The following PSG11 variants were observed in gnomAD, a reference collection of about 807,000 sequenced individuals.
PSG11 encodes pregnancy-specific beta-1-glycoprotein 11.
PSG11 carries 42 observed loss-of-function variants against 36.0 expected under a neutral mutation model. The observed-to-expected ratio is 1.17, with a 90% CI of 0.91 to 1.51. PSG11 has a LOEUF of 1.51. PSG11 is among the 40% of genes most tolerant of loss of function. The probability of loss-of-function intolerance (pLI) is 0.00; values close to 1 mark genes in which losing one functional copy is unlikely to be tolerated. For synonymous variants in PSG11, 206 were observed against 153.5 expected (o/e 1.34, Z -2.53); for missense variants, 558 against 403.5 (o/e 1.38, Z -3.28).
rs751244499 is a variant in PSG11 at position 43,024,966 on chromosome 19, A to G, written c.155T>C (p.Leu52Pro). The part of the protein sequence containing the change: ...PPKVSEGKDV[L>P]LLVHNLPQNL... Reference sequence around the variant, plus strand: ...CTGGGGCAAATTGTGGACAAGTAGAAGAACATCCTTCCCCTCGGACACTTT... The same window carrying G: ...CTGGGGCAAATTGTGGACAAGTAGAGGAACATCCTTCCCCTCGGACACTTT... The change falls in exon 2 of 6, where the codon CTT (leucine) becomes CCT (proline). Residue 52 changes from leucine (L) to proline (P), a missense_variant. Leu to Pro is a moderately conservative substitution (Grantham distance 98, BLOSUM62 -3). Coordinates refer to ENST00000320078, the MANE Select transcript of PSG11 (RefSeq NM_002785.3). The G allele has an allele frequency of 6.2e-7, 1 of 1,611,762 alleles. No individual in the cohort carries two copies. Among genetic ancestry groups the G allele is most frequent in the South Asian group, 1.1e-5 (1 of 90,818 alleles).
intron 4 of PSG11, chr19:43,014,333 C>T: frequency 1.1e-6 from 1 of 907,168 alleles, no homozygotes; most frequent in Non-Finnish European, 1.3e-6. Context: ...ATGCAGAGCC[C>T]CAGGGGTGAA....
chr19:43,016,301 C>A (rs530983792), intron 3 of PSG11, among the ~76,000 whole-genome samples: 2 of 151,280 alleles, frequency 1.3e-5, no homozygotes, highest in Non-Finnish European at 2.9e-5. Flanking sequence ...TGGACAGATA[C>A]GTCAGTGGGA....
At chr19:43,016,355 G>C (rs141205434) in intron 3 of PSG11, among the ~76,000 whole-genome samples, 6,376 of 151,186 alleles carry the variant, frequency 0.042, 532 homozygotes, top group African/African-American at 0.13. Flanking sequence ...ATAATCAGTT[G>C]ACTGGCTGGC....
chr19:43,013,694 C>A (rs1379172073), intron 4 of PSG11, among the ~76,000 whole-genome samples: 1 of 151,326 alleles, frequency 6.6e-6, no homozygotes, highest in African/African-American at 2.4e-5. Flanking sequence ...ATGTTACAGC[C>A]ACTGTAAAAA....
Position 43,015,975 on chromosome 19 carries a change from G to A in PSG11, c.710-605C>T, listed in dbSNP as rs761208852. The A allele has an allele frequency of 3.7e-5, 60 of 1,610,044 alleles. 1 individual carries two copies. The Middle Eastern group carries it at 8.6e-3, about 230-fold the overall frequency. On this transcript the variant is annotated intron_variant, in intron 3 of 5. Transcript: ENST00000320078. ...AGTTCTCACTCTTAGGTTCACAGGTGAAGGTTAAGACATCCTTATTCTCCC... is the reference window on the plus strand; with the variant it reads ...AGTTCTCACTCTTAGGTTCACAGGTAAAGGTTAAGACATCCTTATTCTCCC...
intron 2 of PSG11, among the ~76,000 whole-genome samples, chr19:43,023,898 A>C (rs1270256485): frequency 1.3e-5 from 2 of 151,500 alleles, no homozygotes; most frequent in East Asian, 1.9e-4. Context: ...AGGTGTTCAC[A>C]CAAGCAGCAT....
At chr19:43,015,487 A>G (rs1966939628) in intron 3 of PSG11, 117 bp from the exon 4 acceptor site, 1 of 1,387,922 alleles carries the variant, frequency 7.2e-7, no homozygotes, top group Non-Finnish European at 9.8e-7. Context: ...GTCCCAGCCA[A>G]ACCCCCTCTA....
intron 2 of PSG11, among the ~76,000 whole-genome samples, chr19:43,023,741 A>G (rs1430984111): frequency 6.6e-6 from 1 of 150,858 alleles, no homozygotes; most frequent in Non-Finnish European, 1.5e-5. Flanking sequence ...CGTTTGTGTG[A>G]CTCTGATTCA....
intron 4 of PSG11, among the ~76,000 whole-genome samples, chr19:43,011,972 A>G (rs1227585022): frequency 6.6e-6 from 1 of 151,214 alleles, no homozygotes; most frequent in Non-Finnish European, 1.5e-5. Context: ...TTATGAAAGT[A>G]CTATAAATAA....
chr19:43,010,583 T>C (rs541108003), intron 4 of PSG11: 12 of 409,358 alleles, frequency 2.9e-5, no homozygotes, highest in Non-Finnish European at 4.5e-5. Flanking sequence ...GGAGGATTCC[T>C]CATCAGCCTT....
At chr19:43,013,982 C>T (rs1327654489) in intron 4 of PSG11, 1 of 151,172 alleles carries the variant, frequency 6.6e-6, no homozygotes, top group Non-Finnish European at 1.5e-5. Context: ...ATGGATGAAC[C>T]TTGAAGATAT....
chr19:43,026,335 A>T lies in PSG11; in HGVS notation c.38T>A (p.Ile13Asn), dbSNP rs1568494790. 3.1e-6 allele frequency: 5 copies of T among 1,610,672 alleles called. No individual in the cohort carries two copies. The highest frequency in any genetic ancestry group is 4.2e-6 in the Non-Finnish European group (5 of 1,178,530). ...PLSAPPCTEH[I>N]KWKGLLLTAL... ...TGTGAGCAGGAGCCCCTTCCATTTGATGTGCTCTGTGCAGGGAGGGGCTGA... is the reference window on the plus strand; with the variant it reads ...TGTGAGCAGGAGCCCCTTCCATTTGTTGTGCTCTGTGCAGGGAGGGGCTGA... The change falls in exon 1 of 6, where the codon ATC (isoleucine) becomes AAC (asparagine). Residue 13 changes from isoleucine to asparagine, a missense_variant. Ile to Asn is a moderately radical substitution (Grantham distance 149). Coordinates refer to ENST00000320078, the MANE Select transcript of PSG11 (RefSeq NM_002785.3).
At chr19:43,014,697 G>A (rs1966913485) in intron 4 of PSG11, 1 of 1,198,394 alleles carries the variant, frequency 8.3e-7, no homozygotes, top group Admixed American at 4.1e-5. Flanking sequence ...CCTCTCATTT[G>A]GGGGAAAAGT....
At chr19:43,019,193 A>T in intron 2 of PSG11, 145 bp from the exon 3 acceptor site, 1 of 1,475,792 alleles carries the variant, frequency 6.8e-7, no homozygotes. Context: ...TACAACACAG[A>T]TGCATGGCAT....
At chr19:43,024,345 G>T (rs1967181877) in intron 2 of PSG11, 2 of 370,750 alleles carry the variant, frequency 5.4e-6, no homozygotes, top group East Asian at 1.2e-4. Context: ...GTATCTCAGG[G>T]GCCCCTCAGG....
In PSG11 at chr19:43,024,890, A is replaced by G. The variant is rs1414733961; in HGVS notation, c.231T>C (p.His77=). Residue 77 remains histidine, a synonymous_variant, in exon 2 of 6, where the codon CAT becomes CAC. Coordinates refer to ENST00000320078, the MANE Select transcript of PSG11 (RefSeq NM_002785.3). ...CGTCTACTACATATGATGTAATGTAATGGTAGAGGTCCCTGATTTGCCCTT... is the reference window on the plus strand; with the variant it reads ...CGTCTACTACATATGATGTAATGTAGTGGTAGAGGTCCCTGATTTGCCCTT... The part of the protein sequence containing the change: ...WYKGQIRDLY[H]YITSYVVDGQ... The G allele has an allele frequency of 6.2e-7, 1 of 1,611,650 alleles. No homozygotes were observed. The highest frequency in any genetic ancestry group is 1.3e-5 in the African/African-American group (1 of 74,218).
intron 5 of PSG11, among the ~76,000 whole-genome samples, chr19:43,008,965 G>A (rs1209780165): frequency 6.6e-6 from 1 of 150,820 alleles, no homozygotes; most frequent in South Asian, 2.1e-4. Context: ...TAATGGGTGG[G>A]GCTTGAGCAT....
intron 4 of PSG11, among the ~76,000 whole-genome samples, chr19:43,012,898 G>A (rs1480145618): frequency 6.6e-6 from 1 of 151,394 alleles, no homozygotes; most frequent in African/African-American, 2.4e-5. Context: ...CAAAGCCCCA[G>A]TAATCAATAC....
intron 2 of PSG11, among the ~76,000 whole-genome samples, chr19:43,019,897 T>A (rs1285070845): frequency 2.6e-5 from 4 of 151,508 alleles, no homozygotes; most frequent in Admixed American, 1.3e-4. Flanking sequence ...AAACATGAAC[T>A]GATGATGGAA....
Sources: allele counts gnomAD v4.1 joint callset (sites outside exome capture counted in the v4.1 genomes callset), GRCh38; gene constraint gnomAD v4.1.1; transcripts MANE v1.5; gene names NCBI Gene and HGNC (gene_info 2026-07-23, HGNC 2026-07-21).